Variants in DRAXIN observed in about 807,000 individuals in gnomAD.
The protein encoded by DRAXIN is dorsal inhibitory axon guidance protein.
A neutral mutation model predicts 33.9 loss-of-function variants in DRAXIN; 27 were observed. The observed-to-expected ratio is 0.80, with a 90% CI of 0.59 to 1.10. The LOEUF (loss-of-function observed/expected upper bound fraction) is 1.10. Ranked by LOEUF, DRAXIN falls within the 50% of genes least tolerant of loss-of-function variation. The pLI, the probability that DRAXIN is intolerant of heterozygous loss-of-function variation, is 0.00. For missense variants in DRAXIN, 371 were observed against 460.8 expected, an observed-to-expected ratio of 0.81 and a Z score of 1.78; for synonymous variants, 178 against 194.0, an observed-to-expected ratio of 0.92 and a Z score of 0.69.
chr1:11,715,625 G>C (rs1641564577), intron 6 of DRAXIN, among the ~76,000 whole-genome samples: 1 of 151,918 alleles, frequency 6.6e-6, no homozygotes, highest in South Asian at 2.1e-4. Flanking sequence ...TGATAATGGG[G>C]TGGGGGTGGG....
At position 11,706,484 on chromosome 1, in the gene DRAXIN, C is replaced by T. The variant is rs1406456771; in HGVS notation, c.226C>T (p.Gln76Ter). The change falls in exon 2 of 7, where the codon CAG (glutamine) becomes TAG (stop). Residue 76 changes from glutamine (Q) to a stop codon, truncating the protein, a stop_gained. Transcript: ENST00000294485. LOFTEE classifies it high-confidence loss of function. This position sits in a 1 kb window ranked among gnomAD's most constrained non-coding sequence, Gnocchi z 5.5. The part of the protein sequence containing the change: ...EWGPGLPSQA[Q>*]DGAVVTATRQ... ...GGGCCCAGGCCTGCCCAGCCAGGCCCAGGATGGGGCTGTGGTCACCGCCAC... is the reference window on the plus strand; with the variant it reads ...GGGCCCAGGCCTGCCCAGCCAGGCCTAGGATGGGGCTGTGGTCACCGCCAC... 1 of 1,611,090 alleles carries T rather than the reference C, an allele frequency of 6.2e-7. No homozygotes were observed. The highest frequency in any genetic ancestry group is 8.5e-7 in the Non-Finnish European group (1 of 1,178,988).
At position 11,705,482 on chromosome 1, in the gene DRAXIN, C is replaced by T. The variant is rs1006303210; in HGVS notation, c.-10-767C>T. 2.0e-5 allele frequency among the ~76,000 whole-genome samples: 3 copies of T among 152,060 alleles called. No homozygotes were observed. Among genetic ancestry groups the T allele is most frequent in the Non-Finnish European group, 2.9e-5 (2 of 68,010 alleles). On this transcript the variant is annotated intron_variant, in intron 1 of 6. Coordinates refer to ENST00000294485, the MANE Select transcript of DRAXIN (RefSeq NM_198545.4). This position sits in a 1 kb window ranked among gnomAD's most constrained non-coding sequence, Gnocchi z 4.8. ...CTGCAAAGCTGTTCCCAAAGCCCCT[C>T]CCCCAGGGGAAGGGACAGTGTCAGA...
Position 11,705,884 on chromosome 1 carries a change from G to T in DRAXIN, c.-10-365G>T, listed in dbSNP as rs964417700. On this transcript the variant is annotated intron_variant, in intron 1 of 6. Transcript: ENST00000294485. The surrounding 1 kb of genome is among the most constrained non-coding windows in gnomAD (Gnocchi z 4.8). ...CGGTTCCCTCTAGGGGACTTGGTAAGGGGCAGAGGTTTGTGCAGAGAAAGG... is the reference window on the plus strand; with the variant it reads ...CGGTTCCCTCTAGGGGACTTGGTAATGGGCAGAGGTTTGTGCAGAGAAAGG... Among the ~76,000 whole-genome samples the T allele has an allele frequency of 6.6e-6, 1 of 152,180 alleles. No individual in the cohort carries two copies. The highest frequency in any genetic ancestry group is 1.5e-5 in the Non-Finnish European group (1 of 68,030).
chr1:11,714,054 A>G (rs931520528), intron 5 of DRAXIN, among the ~76,000 whole-genome samples: 6 of 152,042 alleles, frequency 3.9e-5, no homozygotes, highest in Non-Finnish European at 7.4e-5. Flanking sequence ...ATAAAAAATT[A>G]ACCAACCAGG....
At chr1:11,711,701 T>C (rs1641497810) in intron 3 of DRAXIN, 150 bp from the exon 4 acceptor site, 1 of 668,600 alleles carries the variant, frequency 1.5e-6, no homozygotes, top group East Asian at 2.7e-5. Flanking sequence ...GGCAGCCATC[T>C]TTATGTCCTT....
rs560848379 is a variant in DRAXIN at position 11,706,345 on chromosome 1, A to T, written c.87A>T (p.Ala29=). The T allele has an allele frequency of 2.1e-5, 34 of 1,613,772 alleles. No individual in the cohort carries two copies. In the Admixed American group the frequency reaches 2.5e-4, roughly 12 times the overall value. Residue 29 remains alanine (A), a synonymous_variant, in exon 2 of 7, where the codon GCA becomes GCT. Coordinates refer to ENST00000294485, the MANE Select transcript of DRAXIN (RefSeq NM_198545.4). The surrounding 1 kb of genome is among the most constrained non-coding windows in gnomAD (Gnocchi z 5.5). The stretch of plus-strand genomic sequence containing the variant: ...AGCTGAGCCTGGCAGGCGCCCTTGC[A>T]CCTGGGACCCCTGCCCGGAACCTCC... ...PLELSLAGAL[A]PGTPARNLPE...
At chr1:11,700,162 G>A (rs1036146760) in intron 1 of DRAXIN, among the ~76,000 whole-genome samples, 8 of 151,758 alleles carry the variant, frequency 5.3e-5, no homozygotes, top group East Asian at 1.9e-4. Context: ...CACGGGAGAC[G>A]GAGGTTGCAG....
At chr1:11,719,092 C>T (rs954573035) in intron 6 of DRAXIN, among the ~76,000 whole-genome samples, 3 of 151,894 alleles carry the variant, frequency 2.0e-5, no homozygotes, top group African/African-American at 4.8e-5. Flanking sequence ...TAAGTAGAGA[C>T]GGGGTTTCAC....
chr1:11,718,274 C>T (rs1020941890), intron 6 of DRAXIN, among the ~76,000 whole-genome samples: 1 of 146,872 alleles, frequency 6.8e-6, no homozygotes, highest in Non-Finnish European at 1.5e-5. Context: ...AAGATGGTGC[C>T]GCTGCACTCC....
chr1:11,706,227 C>G lies in DRAXIN; in HGVS notation c.-10-22C>G. On this transcript the variant is annotated intron_variant, in intron 1 of 6. Transcript: ENST00000294485. This position sits in a 1 kb window ranked among gnomAD's most constrained non-coding sequence, Gnocchi z 5.5. The stretch of plus-strand genomic sequence containing the variant: ...AGAGAGAGGCCTGGGGCTGCGCATT[C>G]ATGGTGTTGCTCTTCTTGCAGGGAG... 6.5e-7 allele frequency: 1 copy of G among 1,529,780 alleles called. No individual in the cohort carries two copies. The highest frequency in any genetic ancestry group is 8.8e-7 in the Non-Finnish European group (1 of 1,137,652). 94.8% of individuals were successfully genotyped at this position (1,529,780 alleles called of 1,614,324 possible).
At chr1:11,707,074 G>A (rs138194389) in intron 2 of DRAXIN, among the ~76,000 whole-genome samples, 8,117 of 152,244 alleles carry the variant, frequency 0.053, 248 homozygotes, top group Middle Eastern at 0.12. Context: ...GATGGTGGGC[G>A]CCTGTAGTCC....
chr1:11,686,825 A>C (rs561047612), upstream of DRAXIN, among the ~76,000 whole-genome samples: 1 of 152,052 alleles, frequency 6.6e-6, no homozygotes, highest in Non-Finnish European at 1.5e-5. Context: ...AAAAAAAAAA[A>C]AAAAAACTTC....
rs1641092909 is a variant in DRAXIN, at chr1:11,692,513, G to A, written c.-11+660G>A. On this transcript the variant is annotated intron_variant, in intron 1 of 6. Transcript: ENST00000294485. This position sits in a 1 kb window ranked among gnomAD's most constrained non-coding sequence, Gnocchi z 5.8. ...GCTGGTCTTTCGCCTGTGGTCTCCCGCTCTGTCCCTCCTGCTCCCCACCGC... is the reference window on the plus strand; with the variant it reads ...GCTGGTCTTTCGCCTGTGGTCTCCCACTCTGTCCCTCCTGCTCCCCACCGC... Among the ~76,000 whole-genome samples the A allele has an allele frequency of 6.6e-6, 1 of 152,128 alleles. No individual in the cohort carries two copies. The highest frequency in any genetic ancestry group is 6.5e-5 in the Admixed American group (1 of 15,272).
chr1:11,700,346 C>T (rs1424077855), intron 1 of DRAXIN, among the ~76,000 whole-genome samples: 1 of 152,238 alleles, frequency 6.6e-6, no homozygotes, highest in African/African-American at 2.4e-5. Flanking sequence ...GGCTGCGCTT[C>T]TAACTGGCTT....
At chr1:11,689,141 CA>C (rs1350281200), upstream of DRAXIN, among the ~76,000 whole-genome samples, 1 of 151,966 alleles carries the variant, frequency 6.6e-6, no homozygotes, top group Non-Finnish European at 1.5e-5. Flanking sequence ...ACTAAAAATA[CA>C]AAAAATTAGC....
intron 1 of DRAXIN, among the ~76,000 whole-genome samples, chr1:11,699,533 G>A (rs1020256725): frequency 1.3e-5 from 2 of 151,924 alleles, no homozygotes; most frequent in Non-Finnish European, 2.9e-5. Context: ...TTACTATGTT[G>A]TCCAGACTGA....
chr1:11,702,960 C>A (rs1393486675), intron 1 of DRAXIN, among the ~76,000 whole-genome samples: 1 of 152,208 alleles, frequency 6.6e-6, no homozygotes, highest in African/African-American at 2.4e-5. Context: ...CCAGGCTGGC[C>A]TCGAACTCCT....
In DRAXIN at chr1:11,721,916, G is replaced by A. The variant is rs6676319; in HGVS notation, c.*2220G>A. 0.45 allele frequency: 68,634 copies of A among 151,924 alleles called. 15,740 individuals carry two copies. The highest frequency in any genetic ancestry group is 0.64 in the East Asian group (3,312 of 5,152). The allele number at this position is 151,924 out of a possible 1,614,324, so 9.4% of individuals were successfully genotyped here. A position where few individuals can be genotyped will look rare whatever the true frequency, so the allele number is the denominator to read the frequency against. On this transcript the variant is annotated 3_prime_UTR_variant, in exon 7 of 7. Transcript: ENST00000294485. The stretch of plus-strand genomic sequence containing the variant: ...GTAGGCAGATCACTTGAAGTAAGGC[G>A]TTCGAGAACAGCCTGACCAACATGG...
Position 11,696,108 on chromosome 1 carries a change from G to A in DRAXIN, c.-11+4255G>A, listed in dbSNP as rs1641188555. On this transcript the variant is annotated intron_variant, in intron 1 of 6. Coordinates refer to ENST00000294485, the MANE Select transcript of DRAXIN (RefSeq NM_198545.4). This position sits in a 1 kb window ranked among gnomAD's most constrained non-coding sequence, Gnocchi z 4.7. Reference sequence around the variant, plus strand: ...CTGCCCTGCCATCGATCACCCCACTGAGGACAGAGGACGCAGCCACCTGCG... The same window carrying A: ...CTGCCCTGCCATCGATCACCCCACTAAGGACAGAGGACGCAGCCACCTGCG... Among the ~76,000 whole-genome samples the A allele has an allele frequency of 6.6e-6, 1 of 152,116 alleles. No individual in the cohort carries two copies. The highest frequency in any genetic ancestry group is 2.1e-4 in the South Asian group (1 of 4,824).
Sources: allele counts gnomAD v4.1 joint callset (sites outside exome capture counted in the v4.1 genomes callset), GRCh38; gene constraint gnomAD v4.1.1; non-coding constraint Gnocchi (gnomAD v3.1); transcripts MANE v1.5; gene names NCBI Gene and HGNC (gene_info 2026-07-23, HGNC 2026-07-21).